The following OLA1 variants were observed in gnomAD, a reference collection of about 807,000 sequenced individuals.
OLA1 encodes the protein obg-like ATPase 1.
A neutral mutation model predicts 48.4 loss-of-function variants in OLA1; 14 were observed. The observed-to-expected ratio is 0.29, with a 90% CI of 0.19 to 0.45. The LOEUF is 0.45. Ranked by LOEUF, OLA1 falls within the 20% of genes least tolerant of loss-of-function variation. The pLI is 1.00. For synonymous variants in OLA1, 127 were observed against 150.4 expected (o/e 0.84, Z 1.14); for missense variants, 325 against 467.1 (o/e 0.70, Z 2.80).
chr2:174,230,421 T>C (rs963870525), intron 2 of OLA1, among the ~76,000 whole-genome samples: 2 of 152,130 alleles, frequency 1.3e-5, no homozygotes, highest in African/African-American at 2.4e-5. Context: ...TATAGACATA[T>C]TCCAGCCAAT....
intron 5 of OLA1, among the ~76,000 whole-genome samples, chr2:174,138,021 T>C (rs975296542): frequency 3.3e-5 from 5 of 152,152 alleles, no homozygotes; most frequent in Non-Finnish European, 5.9e-5. Context: ...AAAAAATCCC[T>C]TTCTCCCTAT....
chr2:174,230,675 G>A lies in OLA1; in HGVS notation c.102-1224C>T, dbSNP rs1484784484. Among the ~76,000 whole-genome samples, 4 of 152,154 alleles carry A rather than the reference G, an allele frequency of 2.6e-5. No homozygotes were observed. In the East Asian group the frequency reaches 7.7e-4, roughly 29 times the overall value. The stretch of plus-strand genomic sequence containing the variant: ...TATTAAATGATACCATGGGGATAAA[G>A]TCAATAAAATCCAGACTCTGGAAAA... On this transcript the variant is annotated intron_variant, in intron 2 of 10. Coordinates refer to ENST00000284719, the MANE Select transcript of OLA1 (RefSeq NM_013341.5).
At chr2:174,227,540 C>T (rs1288128543) in intron 3 of OLA1, among the ~76,000 whole-genome samples, 2 of 152,004 alleles carry the variant, frequency 1.3e-5, no homozygotes, top group Non-Finnish European at 2.9e-5. Flanking sequence ...TCTGGGTATG[C>T]AAGGGTATAT....
At chr2:174,104,961 T>C (rs890871649) in intron 7 of OLA1, among the ~76,000 whole-genome samples, 4 of 151,956 alleles carry the variant, frequency 2.6e-5, no homozygotes, top group Non-Finnish European at 2.9e-5. Context: ...GAATAAATGA[T>C]GCCTGAAATT....
intron 4 of OLA1, among the ~76,000 whole-genome samples, chr2:174,178,468 T>C (rs1405872270): frequency 6.6e-6 from 1 of 151,992 alleles, no homozygotes; most frequent in Admixed American, 6.6e-5. Flanking sequence ...CCTCAGTGAT[T>C]TGGAAAAGTA....
At chr2:174,220,548 A>C (rs1320988063) in intron 4 of OLA1, among the ~76,000 whole-genome samples, 1 of 152,192 alleles carries the variant, frequency 6.6e-6, no homozygotes, top group East Asian at 1.9e-4. Flanking sequence ...AAAAATGGTC[A>C]CATCTGTTTT....
intron 4 of OLA1, among the ~76,000 whole-genome samples, chr2:174,147,367 C>T (rs1026848069): frequency 2.6e-5 from 4 of 151,910 alleles, no homozygotes; most frequent in East Asian, 1.9e-4. Context: ...GCAGAGGTTG[C>T]GGTGAGCCGA....
chr2:174,078,402 T>C (rs746948430), intron 10 of OLA1, among the ~76,000 whole-genome samples: 1 of 151,988 alleles, frequency 6.6e-6, no homozygotes, highest in Non-Finnish European at 1.5e-5. Context: ...CTACTACTCA[T>C]GTATAAAACT....
At chr2:174,155,570 C>T (rs1489434885) in intron 4 of OLA1, among the ~76,000 whole-genome samples, 1 of 152,114 alleles carries the variant, frequency 6.6e-6, no homozygotes, top group East Asian at 1.9e-4. Flanking sequence ...CCCTGAATTG[C>T]TTAACTATTA....
intron 7 of OLA1, among the ~76,000 whole-genome samples, chr2:174,103,713 C>T (rs1685449013): frequency 6.6e-6 from 1 of 152,084 alleles, no homozygotes; most frequent in East Asian, 1.9e-4. Context: ...ATTGGAAATA[C>T]AAAATGAACA....
At chr2:174,196,419 C>T (rs1310793907) in intron 4 of OLA1, among the ~76,000 whole-genome samples, 1 of 152,126 alleles carries the variant, frequency 6.6e-6, no homozygotes, top group Non-Finnish European at 1.5e-5. Flanking sequence ...TTTAATATTA[C>T]AACACCTTCT....
intron 4 of OLA1, among the ~76,000 whole-genome samples, chr2:174,153,171 A>G (rs1294025245): frequency 6.6e-6 from 1 of 152,208 alleles, no homozygotes; most frequent in Non-Finnish European, 1.5e-5. Flanking sequence ...ACTTTCACGC[A>G]AAGTAAACTT....
chr2:174,148,118 G>A (rs978876970), intron 4 of OLA1, among the ~76,000 whole-genome samples: 21 of 152,236 alleles, frequency 1.4e-4, no homozygotes, highest in African/African-American at 4.8e-4. Context: ...CGGGCGTGGT[G>A]GCTCACGCCT....
At chr2:174,082,303 C>G (rs1182802480) in intron 7 of OLA1, among the ~76,000 whole-genome samples, 1 of 152,066 alleles carries the variant, frequency 6.6e-6, no homozygotes, top group African/African-American at 2.4e-5. Context: ...AACTATTATA[C>G]AAATATTTAA....
intron 4 of OLA1, among the ~76,000 whole-genome samples, chr2:174,174,036 A>ACAC (rs1491287297): frequency 2.4e-4 from 2 of 8,480 alleles, no homozygotes; most frequent in African/African-American, 7.7e-4. Flanking sequence ...ACACACACAC[A>ACAC]AAAAAAAAAA....
intron 5 of OLA1, 76 bp downstream of exon 5, chr2:174,141,749 A>C (rs1686451965): frequency 1.9e-6 from 2 of 1,058,556 alleles, no homozygotes; most frequent in East Asian, 5.0e-5. Flanking sequence ...TAGATGTATC[A>C]TATGCATTAT....
intron 7 of OLA1, among the ~76,000 whole-genome samples, chr2:174,094,099 G>T (rs1685188860): frequency 6.6e-6 from 1 of 152,210 alleles, no homozygotes. Context: ...CAGCATGTGT[G>T]GCCCAGTGGT....
chr2:174,192,373 C>T (rs765864397), intron 4 of OLA1, among the ~76,000 whole-genome samples: 17 of 152,078 alleles, frequency 1.1e-4, no homozygotes, highest in Non-Finnish European at 2.4e-4. Flanking sequence ...TCATGTCAGC[C>T]CTCAAAAAGT....
chr2:174,120,026 T>C (rs1685878668), intron 7 of OLA1, among the ~76,000 whole-genome samples: 1 of 151,954 alleles, frequency 6.6e-6, no homozygotes, highest in South Asian at 2.1e-4. Context: ...TGAACATAAA[T>C]ATGTAGTATA....
Sources: allele counts gnomAD v4.1 joint callset (sites outside exome capture counted in the v4.1 genomes callset), GRCh38; gene constraint gnomAD v4.1.1; transcripts MANE v1.5; gene names NCBI Gene and HGNC (gene_info 2026-07-23, HGNC 2026-07-21).